Variants in EPHA10 observed in about 807,000 individuals in gnomAD.
EPHA10 encodes EPH receptor A10, also known as ephrin type-A receptor 10.
Under a neutral mutation model 109.7 loss-of-function variants are expected in EPHA10, and 120 were observed. The ratio of observed to expected loss-of-function variants is 1.09; its 90% CI spans 0.94 to 1.27. The LOEUF (loss-of-function observed/expected upper bound fraction) is 1.27. EPHA10 is among the 50% of genes most tolerant of loss of function. EPHA10 has a pLI of 0.00. For missense variants in EPHA10, 1,396 were observed against 1,411.1 expected, an observed-to-expected ratio of 0.99 and a Z score of 0.17; for synonymous variants, 640 against 618.9, an observed-to-expected ratio of 1.03 and a Z score of -0.51.
At chr1:37,753,722 G>A (rs1488137139) in intron 4 of EPHA10, among the ~76,000 whole-genome samples, 1 of 145,352 alleles carries the variant, frequency 6.9e-6, no homozygotes, top group African/African-American at 2.5e-5. Flanking sequence ...GGGAGCAGGG[G>A]CGAGCGGGAG....
chr1:37,738,852 G>A lies in EPHA10; in HGVS notation c.1358-3462C>T, dbSNP rs532858965. 4.6e-5 allele frequency among the ~76,000 whole-genome samples: 7 copies of A among 151,258 alleles called. No individual in the cohort carries two copies. In the South Asian group the frequency reaches 1.5e-3, roughly 32 times the overall value. On this transcript the variant is annotated intron_variant, in intron 5 of 16. Coordinates refer to ENST00000373048, the MANE Select transcript of EPHA10 (RefSeq NM_001099439.2). ...AAGGATGAGTTCATGTCCTTTGCAG[G>A]GACATGGATGAAGCTGGAAACCATC...
chr1:37,732,611 A>G (rs1241029496), intron 6 of EPHA10, among the ~76,000 whole-genome samples: 1 of 152,170 alleles, frequency 6.6e-6, no homozygotes, highest in Non-Finnish European at 1.5e-5. Flanking sequence ...CCCACAAGGT[A>G]GGGCAGGCTA....
rs1354718410 is a variant in EPHA10 at position 37,752,932 on chromosome 1, G to C, written c.1301C>G (p.Pro434Arg). Residue 434 changes from proline to arginine, a missense_variant, in exon 5 of 17, where the codon CCG (proline) becomes CGG (arginine). Coordinates refer to ENST00000373048, the MANE Select transcript of EPHA10 (RefSeq NM_001099439.2). ...GTAGGTGGTTCCCGCGGCGGCCGCC[G>C]GGCCCGAGACGCCGTTGAGCGCGGC... ...RVAALNGVSGPAAAAGTTYAQ... is the reference protein window; with the variant it reads ...RVAALNGVSGRAAAAGTTYAQ... 6 of 1,310,112 alleles carry C rather than the reference G, an allele frequency of 4.6e-6. No individual in the cohort carries two copies. Among genetic ancestry groups the C allele is most frequent in the East Asian group, 6.4e-5 (2 of 31,150 alleles). 81.2% of individuals were successfully genotyped at this position (1,310,112 alleles called of 1,614,324 possible).
In EPHA10 at chr1:37,718,782, T is replaced by C; in HGVS notation, c.2791A>G (p.Thr931Ala). ...CCCACAGAGCCAAAGGAGGGGAAGG[T>C]GGAGAAGGCACGGTCCGCTAGTGGG... The part of the protein sequence containing the change: ...PTPLADRAFS[T>A]FPSFGSVGAW... The change falls in exon 16 of 17, where the codon ACC becomes GCC. Residue 931 changes from threonine to alanine, a missense_variant. Transcript: ENST00000373048. 2 of 1,612,320 alleles carry C rather than the reference T, an allele frequency of 1.2e-6. No homozygotes were observed. The highest frequency in any genetic ancestry group is 2.2e-5 in the South Asian group (2 of 90,980).
At chr1:37,733,526 C>T (rs909683130) in intron 6 of EPHA10, among the ~76,000 whole-genome samples, 1 of 152,108 alleles carries the variant, frequency 6.6e-6, no homozygotes, top group Admixed American at 6.6e-5. Context: ...GCCCTTGCTC[C>T]TCTTTTTGAG....
intron 6 of EPHA10, chr1:37,734,721 A>G (rs554746451): frequency 2.3e-6 from 1 of 439,738 alleles, no homozygotes; most frequent in African/African-American, 2.0e-5. Context: ...GGAGTTCACA[A>G]TCAAGAGTTC....
Position 37,754,069 on chromosome 1 carries a change from G to T in EPHA10, c.1006+146C>A. 1.1e-6 allele frequency: 1 copy of T among 942,606 alleles called. No homozygotes were observed. Among genetic ancestry groups the T allele is most frequent in the Non-Finnish European group, 1.4e-6 (1 of 722,144 alleles). 58.4% of individuals were successfully genotyped at this position (942,606 alleles called of 1,614,324 possible). Reference sequence around the variant, plus strand: ...GCGTCCAGGCTCCGCTCCCCCGTACGCCGCCTTCCGGGGCGCTGGCCCCCA... The same window carrying T: ...GCGTCCAGGCTCCGCTCCCCCGTACTCCGCCTTCCGGGGCGCTGGCCCCCA... On this transcript the variant is annotated intron_variant, in intron 4 of 16. Transcript: ENST00000373048. This position sits in a 1 kb window ranked among gnomAD's most constrained non-coding sequence, Gnocchi z 4.5.
chr1:37,714,360 T>A (rs1296136385), downstream of EPHA10, among the ~76,000 whole-genome samples: 1 of 152,214 alleles, frequency 6.6e-6, no homozygotes, highest in Non-Finnish European at 1.5e-5. Flanking sequence ...CATGAGTACA[T>A]ATGTGTTCAC....
chr1:37,727,884 A>G (rs1645921174), intron 7 of EPHA10, among the ~76,000 whole-genome samples: 1 of 152,194 alleles, frequency 6.6e-6, no homozygotes, highest in South Asian at 2.1e-4. Flanking sequence ...TCTCAGCCCT[A>G]TTCATCGATC....
intron 5 of EPHA10, among the ~76,000 whole-genome samples, chr1:37,746,317 G>A (rs1299523673): frequency 2.6e-5 from 4 of 151,828 alleles, no homozygotes; most frequent in Non-Finnish European, 4.4e-5. Flanking sequence ...GGCTGGTCTC[G>A]AACTCCTGAC....
In EPHA10 at chr1:37,727,181, C is replaced by A; in HGVS notation, c.1693G>T (p.Ala565Ser). 1 of 1,611,206 alleles carries A rather than the reference C, an allele frequency of 6.2e-7. No individual in the cohort carries two copies. The highest frequency in any genetic ancestry group is 8.5e-7 in the Non-Finnish European group (1 of 1,178,388). The change falls in exon 8 of 17, where the codon GCC becomes TCC. Residue 565 changes from alanine to serine, a missense_variant. By Grantham distance (99) the Ala-to-Ser change is moderately conservative (BLOSUM62 1). Transcript: ENST00000373048. ...ATGGTCACTACGGTGACGACAATGG[C>A]GGGGCTCTGGTCCCTGGACCCTGAG... is the stretch of plus-strand genomic sequence containing the variant. ...AASGSRDQSP[A>S]IVVTVVTISA...
intron 5 of EPHA10, among the ~76,000 whole-genome samples, chr1:37,748,795 T>C (rs1646277953): frequency 6.6e-6 from 1 of 152,118 alleles, no homozygotes; most frequent in Admixed American, 6.5e-5. Context: ...TAACATCCAT[T>C]TCTGATTTTT....
rs956670099 is a variant in EPHA10 at position 37,719,790 on chromosome 1, GCAGA to G, written c.2562+115_2562+118del. On this transcript the variant is annotated intron_variant, in intron 14 of 16. Transcript: ENST00000373048. ...AGTGGCCAGGCAGAACCAGAAGCAAGCAGACAGAGAAGAGGGGCCTGAGGCAGGA... is the reference window on the plus strand; with the variant it reads ...AGTGGCCAGGCAGAACCAGAAGCAAGCAGAGAAGAGGGGCCTGAGGCAGGA... 5.1e-5 allele frequency: 78 copies of G among 1,541,246 alleles called. No individual in the cohort carries two copies. The Admixed American group carries it at 9.4e-4, about 19-fold the overall frequency.
At chr1:37,720,640 C>G in intron 12 of EPHA10, 86 bp from the exon 13 acceptor site, 7 of 1,534,458 alleles carry the variant, frequency 4.6e-6, no homozygotes, top group Non-Finnish European at 6.2e-6. Flanking sequence ...TAGCTCTCGC[C>G]AGGCTTTAGT....
chr1:37,741,791 G>A lies in EPHA10; in HGVS notation c.1358-6401C>T, dbSNP rs191474419. ...AAAAAAAGCCAAGTCTTTGTCAAGT[G>A]GACAATGCACAGCCAGCACTCTACT... On this transcript the variant is annotated intron_variant, in intron 5 of 16. Transcript: ENST00000373048. 1.3e-4 allele frequency among the ~76,000 whole-genome samples: 20 copies of A among 150,796 alleles called. No individual in the cohort carries two copies. In the East Asian group the frequency reaches 3.9e-3, roughly 29 times the overall value.
rs895504859 is a variant in EPHA10 at position 37,722,830 on chromosome 1, A to G, written c.1960+211T>C. On this transcript the variant is annotated intron_variant, in intron 10 of 16. Transcript: ENST00000373048. ...CTTGAGGACCAGGAGAGGGTCACAGACCCTTCTGCCATCCTCTTCCCTATA... is the reference window on the plus strand; with the variant it reads ...CTTGAGGACCAGGAGAGGGTCACAGGCCCTTCTGCCATCCTCTTCCCTATA... The G allele has an allele frequency of 1.2e-5, 9 of 724,976 alleles. No individual in the cohort carries two copies. The Admixed American group carries it at 1.8e-4, about 15-fold the overall frequency. The allele number at this position is 724,976 out of a possible 1,614,324, so 44.9% of individuals were successfully genotyped here.
At chr1:37,715,327 G>C (rs1238694079), downstream of EPHA10, among the ~76,000 whole-genome samples, 2 of 152,060 alleles carry the variant, frequency 1.3e-5, no homozygotes, top group African/African-American at 4.8e-5. Flanking sequence ...ACCGAACCCG[G>C]CCATTTTTCT....
intron 15 of EPHA10, 140 bp downstream of exon 15, chr1:37,719,274 G>T: frequency 1.0e-6 from 1 of 989,524 alleles, no homozygotes; most frequent in South Asian, 1.6e-5. Flanking sequence ...AGGCAGGCAG[G>T]CTACAGCCCT....
rs1646452268 is a variant in EPHA10 at position 37,763,667 on chromosome 1, AG to A, written c.107-819del. Among the ~76,000 whole-genome samples, 3 of 151,698 alleles carry A rather than the reference AG, an allele frequency of 2.0e-5. No individual in the cohort carries two copies. In the South Asian group the frequency reaches 6.3e-4, roughly 32 times the overall value. ...AATTATAGCTAAGAGTCAATTAGAG[AG>A]AGAGAGAGAGAGAAAGTGAGTAGTG... On this transcript the variant is annotated intron_variant, in intron 1 of 16. Coordinates refer to ENST00000373048, the MANE Select transcript of EPHA10 (RefSeq NM_001099439.2).
Sources: allele counts gnomAD v4.1 joint callset (sites outside exome capture counted in the v4.1 genomes callset), GRCh38; gene constraint gnomAD v4.1.1; non-coding constraint Gnocchi (gnomAD v3.1); transcripts MANE v1.5; gene names NCBI Gene and HGNC (gene_info 2026-07-23, HGNC 2026-07-21).